Variants in PLCL1 observed in about 807,000 individuals in gnomAD.
The protein encoded by PLCL1 is inactive phospholipase C-like protein 1.
In PLCL1, 41 loss-of-function variants were observed where a neutral mutation model predicts 84.4. That is an observed-to-expected ratio of 0.49 (90% CI 0.38 to 0.63). The LOEUF (loss-of-function observed/expected upper bound fraction) is 0.63, where lower values mean the gene tolerates loss of function less well. Among genes scored for constraint, PLCL1 ranks in the 30% least tolerant of loss-of-function variants. PLCL1 has a pLI of 0.00. For missense variants in PLCL1, 1,206 were observed against 1,367.8 expected, an observed-to-expected ratio of 0.88 and a Z score of 1.87; for synonymous variants, 490 against 488.3, an observed-to-expected ratio of 1.00 and a Z score of -0.05.
intron 1 of PLCL1, among the ~76,000 whole-genome samples, chr2:198,030,331 G>T (rs1691380941): frequency 6.6e-6 from 1 of 152,086 alleles, no homozygotes; most frequent in Non-Finnish European, 1.5e-5. Flanking sequence ...TTTCTTGCTT[G>T]CTTTTGTTGA....
At chr2:198,055,575 T>C (rs900001640) in intron 1 of PLCL1, among the ~76,000 whole-genome samples, 3 of 151,582 alleles carry the variant, frequency 2.0e-5, no homozygotes, top group Non-Finnish European at 2.9e-5. Flanking sequence ...AAACCGTTTA[T>C]GTTATGTACT....
At chr2:197,876,559 A>T (rs1043997255) in intron 1 of PLCL1, among the ~76,000 whole-genome samples, 2 of 152,080 alleles carry the variant, frequency 1.3e-5, no homozygotes, top group African/African-American at 4.8e-5. Flanking sequence ...AACTCCTTGA[A>T]GATAGGACAT....
chr2:198,083,925 T>C lies in PLCL1; in HGVS notation c.408T>C (p.Thr136=), dbSNP rs775031252. The C allele has an allele frequency of 1.4e-5, 23 of 1,614,038 alleles. No homozygotes were observed. The highest frequency in any genetic ancestry group is 2.5e-6 in the Non-Finnish European group (3 of 1,180,022). ...CTCGCATTTACAACCGTTTTTTCAC[T>C]CTGGACACAGACCTTCAAGCTCTTC... ...PNSRIYNRFF[T]LDTDLQALRW... The change falls in exon 2 of 6, where the codon ACT becomes ACC. Residue 136 remains threonine, a synonymous_variant. Transcript: ENST00000428675.
chr2:197,956,635 T>A (rs2105786172), intron 1 of PLCL1, among the ~76,000 whole-genome samples: 1 of 152,288 alleles, frequency 6.6e-6, no homozygotes, highest in African/African-American at 2.4e-5. Flanking sequence ...AGGTGGTATA[T>A]CATTGTGGTT....
intron 1 of PLCL1, among the ~76,000 whole-genome samples, chr2:198,052,393 G>A (rs1273948231): frequency 6.6e-6 from 1 of 152,156 alleles, no homozygotes; most frequent in Non-Finnish European, 1.5e-5. Context: ...CTGTTGTGGG[G>A]TATAATGTAA....
chr2:197,980,220 G>A (rs1690074149), intron 1 of PLCL1, among the ~76,000 whole-genome samples: 2 of 152,178 alleles, frequency 1.3e-5, no homozygotes, highest in African/African-American at 2.4e-5. Context: ...AGGCGAGGTG[G>A]GAAGTGGGAC....
chr2:198,046,443 G>C (rs771372428), intron 1 of PLCL1, among the ~76,000 whole-genome samples: 1 of 152,154 alleles, frequency 6.6e-6, no homozygotes, highest in African/African-American at 2.4e-5. Flanking sequence ...CGCAGAAGAC[G>C]GGTGATTTCT....
Position 197,866,108 on chromosome 2 carries a change from CTATATATATATATAAACTA to C in PLCL1, c.240+60782_240+60800del, listed in dbSNP as rs1559029472. ...TATATAAACTATATATATATATAAA[CTATATATATATATAAACTA>C]TATATATATATAAACTATATATATA... On this transcript the variant is annotated intron_variant, in intron 1 of 5. Coordinates refer to ENST00000428675, the MANE Select transcript of PLCL1 (RefSeq NM_006226.4). Among the ~76,000 whole-genome samples the C allele has an allele frequency of 6.7e-4, 10 of 14,976 alleles. 1 individual carries two copies. The highest frequency in any genetic ancestry group is 5.8e-3 in the East Asian group (5 of 868). The allele number at this position is 14,976 out of a possible 152,430, so 9.8% of individuals were successfully genotyped here. A position where few individuals can be genotyped will look rare whatever the true frequency, so the allele number is the denominator to read the frequency against.
chr2:198,039,944 C>A (rs1691621865), intron 1 of PLCL1, among the ~76,000 whole-genome samples: 1 of 152,094 alleles, frequency 6.6e-6, no homozygotes, highest in Non-Finnish European at 1.5e-5. Context: ...TAGAATGGGG[C>A]AAACATATGT....
At chr2:198,005,809 G>A (rs1380924381) in intron 1 of PLCL1, among the ~76,000 whole-genome samples, 1 of 152,232 alleles carries the variant, frequency 6.6e-6, no homozygotes, top group Non-Finnish European at 1.5e-5. Context: ...TATCACAAAA[G>A]GCGGTGCTGA....
chr2:197,943,627 C>CT (rs5837573), intron 1 of PLCL1, among the ~76,000 whole-genome samples: 68,970 of 119,136 alleles, frequency 0.58, 18,064 homozygotes, highest in Middle Eastern at 0.71. Flanking sequence ...TTGGTTACAT[C>CT]TTTTTTTTTT....
At chr2:198,130,156 T>G (rs530004954) in intron 5 of PLCL1, among the ~76,000 whole-genome samples, 4 of 151,902 alleles carry the variant, frequency 2.6e-5, no homozygotes, top group African/African-American at 9.7e-5. Flanking sequence ...CACCACACCC[T>G]GCTAATTTTA....
intron 5 of PLCL1, among the ~76,000 whole-genome samples, chr2:198,120,454 A>ATC (rs1693842286): frequency 6.6e-6 from 1 of 151,784 alleles, no homozygotes; most frequent in Non-Finnish European, 1.5e-5. Context: ...AACCATCCTC[A>ATC]TCTCCCCTCA....
intron 1 of PLCL1, among the ~76,000 whole-genome samples, chr2:198,041,981 A>G (rs1691677813): frequency 6.6e-6 from 1 of 152,200 alleles, no homozygotes; most frequent in Non-Finnish European, 1.5e-5. Flanking sequence ...GCCTATCTGC[A>G]AGTGATGAAT....
intron 1 of PLCL1, among the ~76,000 whole-genome samples, chr2:197,881,886 C>T (rs550609246): frequency 6.6e-6 from 1 of 152,122 alleles, no homozygotes; most frequent in Non-Finnish European, 1.5e-5. Flanking sequence ...TCCTCTTACT[C>T]TCCTTATTAT....
At chr2:197,810,604 T>G (rs1165412499) in intron 1 of PLCL1, among the ~76,000 whole-genome samples, 1 of 152,176 alleles carries the variant, frequency 6.6e-6, no homozygotes, top group Non-Finnish European at 1.5e-5. Context: ...AAATAACACC[T>G]CAGGCATAGC....
At chr2:198,128,863 G>T (rs1395590365) in intron 5 of PLCL1, among the ~76,000 whole-genome samples, 6 of 152,130 alleles carry the variant, frequency 3.9e-5, no homozygotes, top group Non-Finnish European at 8.8e-5. Flanking sequence ...ATTTAAGTTG[G>T]ATCTCTTTCA....
chr2:197,869,948 CT>C (rs1051072160), intron 1 of PLCL1, among the ~76,000 whole-genome samples: 6 of 151,764 alleles, frequency 4.0e-5, no homozygotes, highest in South Asian at 2.1e-4. Flanking sequence ...TTCAAGCATA[CT>C]TTTTTTTTCC....
chr2:198,061,826 C>G (rs1225106289), intron 1 of PLCL1, among the ~76,000 whole-genome samples: 1 of 152,158 alleles, frequency 6.6e-6, no homozygotes, highest in Non-Finnish European at 1.5e-5. Context: ...GTCTCGAACT[C>G]CTGACCTCAT....
Sources: allele counts gnomAD v4.1 joint callset (sites outside exome capture counted in the v4.1 genomes callset), GRCh38; gene constraint gnomAD v4.1.1; transcripts MANE v1.5; gene names NCBI Gene and HGNC (gene_info 2026-07-23, HGNC 2026-07-21).